The following CDH12 variants were observed in gnomAD, a reference collection of about 807,000 sequenced individuals.
The protein encoded by CDH12 is cadherin 12.
A neutral mutation model predicts 74.1 loss-of-function variants in CDH12; 41 were observed. The observed-to-expected ratio is 0.55, with a 90% confidence interval of 0.43 to 0.72. CDH12 has a LOEUF of 0.72. CDH12 is among the 30% of genes least tolerant of loss of function. The pLI, the probability that CDH12 is intolerant of heterozygous loss-of-function variation, is 0.00. For synonymous variants in CDH12, 399 were observed against 355.0 expected (o/e 1.12, Z -1.39); for missense variants, 945 against 977.2 (o/e 0.97, Z 0.44).
intron 3 of CDH12, among the ~76,000 whole-genome samples, chr5:22,374,170 A>G (rs1741420504): frequency 6.6e-6 from 1 of 152,198 alleles, no homozygotes; most frequent in Admixed American, 6.5e-5. Flanking sequence ...ACAAATCAAT[A>G]AATGTGATAC....
intron 6 of CDH12, among the ~76,000 whole-genome samples, chr5:21,939,105 A>G (rs1344335609): frequency 6.7e-6 from 1 of 150,230 alleles, no homozygotes; most frequent in Non-Finnish European, 1.5e-5. Flanking sequence ...AGCCTTCTAA[A>G]AAATGGGTAA....
intron 4 of CDH12, among the ~76,000 whole-genome samples, chr5:22,132,321 G>A (rs1444177398): frequency 3.3e-5 from 5 of 151,974 alleles, no homozygotes; most frequent in African/African-American, 1.2e-4. Context: ...AGAGAGTTTC[G>A]AATAGACCTG....
intron 1 of CDH12, among the ~76,000 whole-genome samples, chr5:22,552,155 T>C (rs545658718): frequency 6.6e-6 from 1 of 152,220 alleles, no homozygotes; most frequent in East Asian, 1.9e-4. Flanking sequence ...CATAATAATT[T>C]TATTATGTTG....
At chr5:22,424,602 T>C (rs1743813559) in intron 2 of CDH12, among the ~76,000 whole-genome samples, 1 of 152,202 alleles carries the variant, frequency 6.6e-6, no homozygotes, top group Non-Finnish European at 1.5e-5. Context: ...GCAGGCTTTG[T>C]TATTCAACCA....
intron 8 of CDH12, among the ~76,000 whole-genome samples, chr5:21,832,866 T>G (rs1304234399): frequency 1.9e-4 from 1 of 5,158 alleles, no homozygotes; most frequent in Non-Finnish European, 3.9e-4. Context: ...ATATATATCA[T>G]ATGATATATG....
chr5:22,812,693 G>A (rs552213743), intron 1 of CDH12, among the ~76,000 whole-genome samples: 12 of 152,256 alleles, frequency 7.9e-5, no homozygotes, highest in Admixed American at 7.9e-4. Flanking sequence ...CAAGTAAGCT[G>A]AAGAACAGGC....
At chr5:21,784,975 TG>T (rs1461176401) in intron 10 of CDH12, among the ~76,000 whole-genome samples, 4 of 152,190 alleles carry the variant, frequency 2.6e-5, no homozygotes, top group Non-Finnish European at 5.9e-5. Flanking sequence ...ACTGAAAGTT[TG>T]TTGCAACCCT....
intron 8 of CDH12, among the ~76,000 whole-genome samples, chr5:21,838,447 C>A (rs1028070694): frequency 6.6e-6 from 1 of 152,070 alleles, no homozygotes; most frequent in East Asian, 1.9e-4. Flanking sequence ...GTAATCCCAG[C>A]TACTTGGGAG....
Position 22,549,220 on chromosome 5 carries a change from G to A in CDH12, c.-522-43856C>T, listed in dbSNP as rs745335278. On this transcript the variant is annotated intron_variant, in intron 1 of 14. Coordinates refer to ENST00000382254, the MANE Select transcript of CDH12 (RefSeq NM_004061.5). ...ATTCCTGGCCTTAAGCAATCCTCCC[G>A]CCTAGGACTCCCAAAGTGCTGAGAT... Among the ~76,000 whole-genome samples, 14 of 151,346 alleles carry A rather than the reference G, an allele frequency of 9.3e-5. 1 individual carries two copies. Among genetic ancestry groups the A allele is most frequent in the Non-Finnish European group, 1.8e-4 (12 of 67,874 alleles).
intron 4 of CDH12, among the ~76,000 whole-genome samples, chr5:22,100,779 T>C (rs1174015205): frequency 6.6e-6 from 1 of 152,064 alleles, no homozygotes; most frequent in Admixed American, 6.5e-5. Context: ...TTTGTTAAAA[T>C]CACCCTGCAT....
rs10941958 is a variant in CDH12 at position 22,517,982 on chromosome 5, C to G, written c.-522-12618G>C. On this transcript the variant is annotated intron_variant, in intron 1 of 14. Transcript: ENST00000382254. Reference sequence around the variant, plus strand: ...GTTTCTCAGCAACATTTTCATGTTACTTTCATTAATTTTCCTGGTTCTTCC... The same window carrying G: ...GTTTCTCAGCAACATTTTCATGTTAGTTTCATTAATTTTCCTGGTTCTTCC... 8.2e-3 allele frequency among the ~76,000 whole-genome samples: 1,255 copies of G among 152,268 alleles called. 19 individuals carry two copies. Among genetic ancestry groups the G allele is most frequent in the African/African-American group, 0.029 (1,192 of 41,562 alleles).
At chr5:21,902,554 A>G (rs1159510820) in intron 6 of CDH12, among the ~76,000 whole-genome samples, 1 of 152,068 alleles carries the variant, frequency 6.6e-6, no homozygotes, top group Non-Finnish European at 1.5e-5. Flanking sequence ...TATAATCAGA[A>G]AGAGTTAAAA....
chr5:22,070,629 C>G (rs1237096726), intron 5 of CDH12, among the ~76,000 whole-genome samples: 2 of 152,088 alleles, frequency 1.3e-5, no homozygotes, highest in Non-Finnish European at 2.9e-5. Flanking sequence ...GATTAGAGGC[C>G]CCACTGCAGA....
chr5:22,494,477 C>T (rs551584687), intron 2 of CDH12, among the ~76,000 whole-genome samples: 1 of 152,342 alleles, frequency 6.6e-6, no homozygotes, highest in Admixed American at 6.5e-5. Context: ...TACATTTATT[C>T]ATCTCTCTTA....
chr5:22,203,380 A>G (rs1751029138), intron 4 of CDH12, among the ~76,000 whole-genome samples: 1 of 152,192 alleles, frequency 6.6e-6, no homozygotes, highest in Non-Finnish European at 1.5e-5. Flanking sequence ...TTCACTTAAC[A>G]TACTGTCCTC....
chr5:22,393,169 T>C (rs2126424484), intron 3 of CDH12, among the ~76,000 whole-genome samples: 1 of 152,240 alleles, frequency 6.6e-6, no homozygotes. Flanking sequence ...TCCAATGACA[T>C]GTCCTTCCAA....
chr5:22,219,268 A>G (rs111587140), intron 3 of CDH12, among the ~76,000 whole-genome samples: 96 of 151,840 alleles, frequency 6.3e-4, no homozygotes, highest in African/African-American at 2.3e-3. Flanking sequence ...TACCTTCTAT[A>G]ACATCATAAA....
chr5:21,939,081 A>G (rs1167833343), intron 6 of CDH12, among the ~76,000 whole-genome samples: 1 of 151,776 alleles, frequency 6.6e-6, no homozygotes, highest in African/African-American at 2.4e-5. Flanking sequence ...TACACATGTT[A>G]TAGAAAAAAA....
chr5:22,551,153 G>T (rs1477804266), intron 1 of CDH12, among the ~76,000 whole-genome samples: 1 of 152,072 alleles, frequency 6.6e-6, no homozygotes, highest in East Asian at 1.9e-4. Context: ...AATAGGACTG[G>T]TGTCCTTATA....
Sources: gnomAD v4.1 joint callset for allele counts (sites outside exome capture counted in the v4.1 genomes callset) on GRCh38, gnomAD v4.1.1 for gene constraint, MANE v1.5 for transcripts, NCBI Gene and HGNC (gene_info 2026-07-23, HGNC 2026-07-21) for gene names.